Variants in ACOXL observed in about 807,000 individuals in gnomAD.
ACOXL encodes acyl-coenzyme A oxidase-like protein.
A neutral mutation model predicts 71.9 loss-of-function variants in ACOXL; 70 were observed. That is an observed-to-expected ratio of 0.97 (90% confidence interval 0.80 to 1.19). ACOXL has a LOEUF of 1.19. Among genes scored for constraint, ACOXL ranks in the 50% most tolerant of loss-of-function variants. The probability of loss-of-function intolerance (pLI) is 0.00; values close to 1 mark genes in which losing one functional copy is unlikely to be tolerated. For missense variants in ACOXL, 703 were observed against 736.3 expected, an observed-to-expected ratio of 0.95 and a Z score of 0.52; for synonymous variants, 253 against 281.6, an observed-to-expected ratio of 0.90 and a Z score of 1.02.
chr2:110,859,077 A>G (rs1433735724), intron 10 of ACOXL, among the ~76,000 whole-genome samples: 2 of 152,218 alleles, frequency 1.3e-5, no homozygotes, highest in Non-Finnish European at 2.9e-5. Context: ...TGCGTTTAGG[A>G]TACGTTCAAC....
rs1412630806 is a variant in ACOXL, at chr2:110,767,687, C to T, written c.-22-681C>T. On this transcript the variant is annotated intron_variant, in intron 1 of 17. Coordinates refer to ENST00000439055, the MANE Select transcript of ACOXL (RefSeq NM_001142807.4). ...TATGGCCACCACAGTCCACCTCTTG[C>T]AACACGCATGTCACTCCCTTGCCCC... Among the ~76,000 whole-genome samples, 4 of 152,318 alleles carry T rather than the reference C, an allele frequency of 2.6e-5. No individual in the cohort carries two copies. The East Asian group carries it at 5.8e-4, about 22-fold the overall frequency.
chr2:111,021,069 A>G (rs999459974), intron 14 of ACOXL, among the ~76,000 whole-genome samples: 1 of 152,116 alleles, frequency 6.6e-6, no homozygotes, highest in African/African-American at 2.4e-5. Context: ...GACAGGGACT[A>G]TTTCACCTGC....
chr2:110,818,844 G>A (rs1439395680), intron 9 of ACOXL, among the ~76,000 whole-genome samples: 1 of 64,414 alleles, frequency 1.6e-5, no homozygotes, highest in Non-Finnish European at 5.1e-5. Context: ...CAGCACCCTG[G>A]GAGCACACGG....
intron 1 of ACOXL, among the ~76,000 whole-genome samples, chr2:110,764,096 T>C (rs1306360005): frequency 6.6e-6 from 1 of 152,176 alleles, no homozygotes; most frequent in East Asian, 1.9e-4. Flanking sequence ...TGCAAAATGG[T>C]ATAGCTGCTT....
chr2:110,840,326 A>G (rs1345305573), intron 9 of ACOXL, among the ~76,000 whole-genome samples: 1 of 152,204 alleles, frequency 6.6e-6, no homozygotes, highest in Non-Finnish European at 1.5e-5. Flanking sequence ...GAAAAATTAA[A>G]TTTTGGAATG....
At chr2:110,876,800 G>T (rs1212098753) in intron 10 of ACOXL, among the ~76,000 whole-genome samples, 1 of 152,194 alleles carries the variant, frequency 6.6e-6, no homozygotes, top group Non-Finnish European at 1.5e-5. Flanking sequence ...CGCCCCCTAG[G>T]TGCCAAACCC....
At chr2:111,027,560 T>C (rs1456158631) in intron 14 of ACOXL, among the ~76,000 whole-genome samples, 1 of 152,034 alleles carries the variant, frequency 6.6e-6, no homozygotes, top group Non-Finnish European at 1.5e-5. Context: ...GACCTCGTGA[T>C]CTGCCCACCT....
chr2:111,062,493 C>T (rs2066867703), intron 16 of ACOXL, among the ~76,000 whole-genome samples: 1 of 152,056 alleles, frequency 6.6e-6, no homozygotes, highest in Admixed American at 6.5e-5. Flanking sequence ...GAACACTCTA[C>T]CCAACAACAG....
intron 16 of ACOXL, 117 bp downstream of exon 16, chr2:111,049,405 A>G (rs1479078892): frequency 2.5e-6 from 2 of 793,658 alleles, no homozygotes; most frequent in Non-Finnish European, 4.1e-6. Context: ...CGTGTGCTCC[A>G]GGGGGATAAG....
intron 13 of ACOXL, among the ~76,000 whole-genome samples, chr2:110,991,391 A>ACT (rs1266634149): frequency 3.3e-5 from 5 of 151,982 alleles, no homozygotes. Context: ...TTTGTGTCAT[A>ACT]CCTTTCTTTT....
At chr2:110,794,868 T>C (rs1022376347) in intron 5 of ACOXL, among the ~76,000 whole-genome samples, 3 of 152,132 alleles carry the variant, frequency 2.0e-5, no homozygotes, top group African/African-American at 7.2e-5. Flanking sequence ...TCTCTGTCCA[T>C]AGTGGGTCAT....
At chr2:111,024,713 GA>G (rs1182090248) in intron 14 of ACOXL, among the ~76,000 whole-genome samples, 1 of 152,022 alleles carries the variant, frequency 6.6e-6, no homozygotes, top group Non-Finnish European at 1.5e-5. Context: ...AGGACAAAGA[GA>G]AAAAGGCGGT....
At chr2:110,985,276 A>G (rs1268338932) in intron 12 of ACOXL, among the ~76,000 whole-genome samples, 1 of 152,210 alleles carries the variant, frequency 6.6e-6, no homozygotes, top group Non-Finnish European at 1.5e-5. Context: ...CAGCAGCCAT[A>G]AAAATGTACA....
intron 12 of ACOXL, among the ~76,000 whole-genome samples, chr2:110,946,675 A>G (rs529723242): frequency 6.6e-6 from 1 of 152,250 alleles, no homozygotes; most frequent in Non-Finnish European, 1.5e-5. Context: ...TTTTCCAACT[A>G]TCTGAATTTG....
chr2:110,797,095 T>C (rs925620515), intron 5 of ACOXL, among the ~76,000 whole-genome samples: 3 of 152,190 alleles, frequency 2.0e-5, no homozygotes, highest in African/African-American at 7.2e-5. Flanking sequence ...AGTTCCTTTT[T>C]GGCAAGAGGC....
At position 110,742,381 on chromosome 2, in the gene ACOXL, A is replaced by G. The variant is rs113602245; in HGVS notation, c.-23+9607A>G. On this transcript the variant is annotated intron_variant, in intron 1 of 17. Transcript: ENST00000439055. ...TGAATAATTGTACACTAGAAAAAAT[A>G]TTGTTGACTATGTGTAAGGAAAATT... Among the ~76,000 whole-genome samples, 6 of 152,316 alleles carry G rather than the reference A, an allele frequency of 3.9e-5. 1 individual carries two copies. The highest frequency in any genetic ancestry group is 9.6e-5 in the African/African-American group (4 of 41,574).
At chr2:111,009,069 A>G (rs770444406) in intron 14 of ACOXL, among the ~76,000 whole-genome samples, 7 of 152,198 alleles carry the variant, frequency 4.6e-5, no homozygotes, top group African/African-American at 1.7e-4. Context: ...TTGCCGTGCA[A>G]ACTTTTTAAA....
intron 10 of ACOXL, among the ~76,000 whole-genome samples, chr2:110,897,847 CAGTG>C (rs904917049): frequency 6.6e-6 from 1 of 151,864 alleles, no homozygotes; most frequent in Admixed American, 6.6e-5. Flanking sequence ...AACGTTTTGA[CAGTG>C]AGACTGTCAA....
chr2:110,845,004 G>A (rs1691636233), intron 10 of ACOXL, among the ~76,000 whole-genome samples: 2 of 152,136 alleles, frequency 1.3e-5, no homozygotes, highest in Admixed American at 6.5e-5. Flanking sequence ...TCCTTTAGTC[G>A]ATTACTTTTT....
Sources: allele counts gnomAD v4.1 joint callset (sites outside exome capture counted in the v4.1 genomes callset), GRCh38; gene constraint gnomAD v4.1.1; transcripts MANE v1.5; gene names NCBI Gene and HGNC (gene_info 2026-07-23, HGNC 2026-07-21).